The following DSCAM variants were observed in gnomAD, a reference collection of about 807,000 sequenced individuals.
DSCAM encodes DS cell adhesion molecule, also known as cell adhesion molecule DSCAM.
DSCAM carries 47 observed loss-of-function variants against 217.7 expected under a neutral mutation model. The ratio of observed to expected loss-of-function variants is 0.22; its 90% confidence interval spans 0.17 to 0.28. The LOEUF (loss-of-function observed/expected upper bound fraction) is 0.28, where lower values mean the gene tolerates loss of function less well. Ranked by LOEUF, DSCAM falls within the 10% of genes least tolerant of loss-of-function variation. The pLI is 1.00. For missense variants in DSCAM, 2,080 were observed against 2,618.3 expected (o/e 0.79, Z 4.49); for synonymous variants, 1,056 against 1,015.3 (o/e 1.04, Z -0.76).
intron 10 of DSCAM, among the ~76,000 whole-genome samples, chr21:40,292,206 T>TG (rs2073901545): frequency 1.7e-5 from 2 of 116,034 alleles, no homozygotes; most frequent in African/African-American, 6.6e-5. Flanking sequence ...TTTTTTTTTT[T>TG]GTAGCAAAGA....
At chr21:40,102,922 C>A (rs1396378112) in intron 20 of DSCAM, among the ~76,000 whole-genome samples, 1 of 152,150 alleles carries the variant, frequency 6.6e-6, no homozygotes, top group African/African-American at 2.4e-5. Flanking sequence ...GTCAGGCTCC[C>A]CGACCCATCC....
Position 40,760,904 on chromosome 21 carries a change from A to G in DSCAM, c.44-52133T>C, listed in dbSNP as rs927067260. Among the ~76,000 whole-genome samples the G allele has an allele frequency of 3.0e-4, 46 of 152,336 alleles. 1 individual carries two copies. The highest frequency in any genetic ancestry group is 1.2e-3 in the Admixed American group (19 of 15,302). Reference sequence around the variant, plus strand: ...AGACACCTCACTGAGAATCAACACGATCAGTCCCCATAGTGTGTGCATGTG... The same window carrying G: ...AGACACCTCACTGAGAATCAACACGGTCAGTCCCCATAGTGTGTGCATGTG... On this transcript the variant is annotated intron_variant, in intron 1 of 32. Coordinates refer to ENST00000400454, the MANE Select transcript of DSCAM (RefSeq NM_001389.5).
chr21:40,631,534 G>T (rs2089691340), intron 3 of DSCAM, among the ~76,000 whole-genome samples: 1 of 152,170 alleles, frequency 6.6e-6, no homozygotes, highest in Admixed American at 6.5e-5. Context: ...AACCCAATAA[G>T]ACTTCCCAGT....
intron 1 of DSCAM, among the ~76,000 whole-genome samples, chr21:40,823,406 C>T (rs955589058): frequency 6.6e-6 from 1 of 152,074 alleles, no homozygotes; most frequent in Non-Finnish European, 1.5e-5. Flanking sequence ...TCCTGTAAAT[C>T]TCAATTCAAC....
chr21:40,020,715 C>T (rs1316126532), intron 32 of DSCAM, among the ~76,000 whole-genome samples: 1 of 152,208 alleles, frequency 6.6e-6, no homozygotes, highest in Non-Finnish European at 1.5e-5. Context: ...CTGCCCTGCT[C>T]ACCTACCTGC....
At chr21:40,503,533 A>G (rs975561953) in intron 3 of DSCAM, among the ~76,000 whole-genome samples, 1 of 152,232 alleles carries the variant, frequency 6.6e-6, no homozygotes, top group Admixed American at 6.5e-5. Flanking sequence ...AGAATGAGCA[A>G]GTGAGCAGGT....
chr21:40,292,169 G>A (rs1428049056), intron 10 of DSCAM, among the ~76,000 whole-genome samples: 1 of 146,450 alleles, frequency 6.8e-6, no homozygotes, highest in Non-Finnish European at 1.5e-5. Flanking sequence ...TAGACCCAAG[G>A]TCAAAAATGT....
intron 1 of DSCAM, among the ~76,000 whole-genome samples, chr21:40,806,640 C>T (rs1393774548): frequency 6.6e-6 from 1 of 152,146 alleles, no homozygotes; most frequent in East Asian, 1.9e-4. Flanking sequence ...AGTTTCATCA[C>T]CCTAAGAAAT....
intron 11 of DSCAM, among the ~76,000 whole-genome samples, chr21:40,231,944 G>A (rs1010359956): frequency 6.6e-6 from 1 of 152,210 alleles, no homozygotes; most frequent in African/African-American, 2.4e-5. Flanking sequence ...GCAGCACAAT[G>A]AGAAACTGGT....
intron 3 of DSCAM, among the ~76,000 whole-genome samples, chr21:40,457,088 A>G (rs1290397507): frequency 6.6e-6 from 1 of 152,198 alleles, no homozygotes; most frequent in Non-Finnish European, 1.5e-5. Context: ...GTGATAAATC[A>G]ATTAATCAAG....
rs2088152397 is a variant in DSCAM at position 40,016,071 on chromosome 21, GT to G, written c.5687-2686del. On this transcript the variant is annotated intron_variant, in intron 32 of 32. Transcript: ENST00000400454. This position sits in a 1 kb window ranked among gnomAD's most constrained non-coding sequence, Gnocchi z 4.3. Reference sequence around the variant, plus strand: ...ACACCTGTAACTCGTGACATACCAGGTGCAAAACTCTGTCTAGAGAATGGGC... The same window carrying G: ...ACACCTGTAACTCGTGACATACCAGGGCAAAACTCTGTCTAGAGAATGGGC... Among the ~76,000 whole-genome samples, 1 of 152,204 alleles carries G rather than the reference GT, an allele frequency of 6.6e-6. No individual in the cohort carries two copies. The highest frequency in any genetic ancestry group is 2.1e-4 in the South Asian group (1 of 4,830).
intron 3 of DSCAM, among the ~76,000 whole-genome samples, chr21:40,644,529 T>C (rs936925389): frequency 2.0e-5 from 3 of 152,194 alleles, no homozygotes; most frequent in Admixed American, 2.0e-4. Context: ...TGGTCCACTG[T>C]GGGCCAAGTC....
intron 3 of DSCAM, among the ~76,000 whole-genome samples, chr21:40,550,074 T>C (rs1309462309): frequency 6.6e-6 from 1 of 152,170 alleles, no homozygotes; most frequent in African/African-American, 2.4e-5. Flanking sequence ...TAGTCCTACC[T>C]ATAGGAAATG....
rs138867031 is a variant in DSCAM, at chr21:40,254,880, T to G, written c.2356+21217A>C. ...GTCCTCAGAGTGGCTTTCCCTTATC[T>G]CTCACGTGCCATCTAGTAAGTGCCT... On this transcript the variant is annotated intron_variant, in intron 11 of 32. Transcript: ENST00000400454. Among the ~76,000 whole-genome samples, 1,496 of 151,842 alleles carry G rather than the reference T, an allele frequency of 9.9e-3. 16 individuals are homozygous for G. Among genetic ancestry groups the G allele is most frequent in the African/African-American group, 0.034 (1,421 of 41,406 alleles).
chr21:40,367,309 G>A (rs2074843578), intron 4 of DSCAM, among the ~76,000 whole-genome samples: 1 of 152,146 alleles, frequency 6.6e-6, no homozygotes, highest in South Asian at 2.1e-4. Context: ...CACCTCTGCT[G>A]CTGGTCCTGT....
At chr21:40,831,410 C>T (rs952697661) in intron 1 of DSCAM, among the ~76,000 whole-genome samples, 14 of 152,170 alleles carry the variant, frequency 9.2e-5, no homozygotes, top group Non-Finnish European at 1.6e-4. Flanking sequence ...CTCTTTAAGA[C>T]GCATGTCCCA....
At chr21:40,494,442 T>C (rs1313066324) in intron 3 of DSCAM, among the ~76,000 whole-genome samples, 1 of 152,014 alleles carries the variant, frequency 6.6e-6, no homozygotes, top group African/African-American at 2.4e-5. Flanking sequence ...ACAGGAGAAA[T>C]TTTGGAAGAT....
intron 28 of DSCAM, among the ~76,000 whole-genome samples, chr21:40,062,344 C>T (rs538034172): frequency 3.3e-5 from 5 of 152,170 alleles, no homozygotes; most frequent in South Asian, 4.1e-4. Context: ...ACTCCTAACA[C>T]GAGGATGAAC....
At chr21:40,783,346 A>G (rs1358661915) in intron 1 of DSCAM, among the ~76,000 whole-genome samples, 1 of 152,198 alleles carries the variant, frequency 6.6e-6, no homozygotes, top group Non-Finnish European at 1.5e-5. Flanking sequence ...CACAGACAGC[A>G]ATACCAAACC....
Sources: allele counts gnomAD v4.1 joint callset (sites outside exome capture counted in the v4.1 genomes callset), GRCh38; gene constraint gnomAD v4.1.1; non-coding constraint Gnocchi (gnomAD v3.1); transcripts MANE v1.5; gene names NCBI Gene and HGNC (gene_info 2026-07-23, HGNC 2026-07-21).